Variants in SCNN1G observed in about 807,000 individuals in gnomAD.
SCNN1G encodes the protein sodium channel epithelial 1 subunit gamma.
Under a neutral mutation model 64.6 loss-of-function variants are expected in SCNN1G, and 27 were observed. The ratio of observed to expected loss-of-function variants is 0.42; its 90% CI spans 0.31 to 0.58. The LOEUF (loss-of-function observed/expected upper bound fraction) is 0.58, where lower values mean the gene tolerates loss of function less well. Ranked by LOEUF, SCNN1G falls within the 20% of genes least tolerant of loss-of-function variation. The probability of loss-of-function intolerance (pLI) is 0.18; values close to 1 mark genes in which losing one functional copy is unlikely to be tolerated. For synonymous variants in SCNN1G, 330 were observed against 314.2 expected, an observed-to-expected ratio of 1.05 and a Z score of -0.53; for missense variants, 743 against 823.4, an observed-to-expected ratio of 0.90 and a Z score of 1.19.
At chr16:23,202,352 C>T (rs1004404897) in intron 6 of SCNN1G, among the ~76,000 whole-genome samples, 1 of 151,488 alleles carries the variant, frequency 6.6e-6, no homozygotes, top group Non-Finnish European at 1.5e-5. Context: ...GGATGGCTGG[C>T]TGGCTGAATG....
chr16:23,197,199 G>A, intron 5 of SCNN1G, 65 bp from the exon 6 acceptor site: 2 of 1,372,150 alleles, frequency 1.5e-6, no homozygotes, highest in South Asian at 2.4e-5. Flanking sequence ...CAGTGGGAGA[G>A]GTGGTTTACC....
chr16:23,188,333 GC>G (rs1334275772), intron 2 of SCNN1G, among the ~76,000 whole-genome samples: 5 of 151,658 alleles, frequency 3.3e-5, no homozygotes, highest in Non-Finnish European at 7.4e-5. Context: ...ACAGAGCAAG[GC>G]CCCCTCTCTA....
chr16:23,183,451 C>T (rs946079266), intron 1 of SCNN1G, among the ~76,000 whole-genome samples: 1 of 152,178 alleles, frequency 6.6e-6, no homozygotes, highest in East Asian at 1.9e-4. Context: ...GCGAACCCAA[C>T]GCTAGACTTG....
At position 23,212,129 on chromosome 16, in the gene SCNN1G, C is replaced by T. The variant is rs370086012; in HGVS notation, c.1272C>T (p.Asn424=). 2 of 1,611,690 alleles carry T rather than the reference C, an allele frequency of 1.2e-6. No individual in the cohort carries two copies. ...TACCTCCTGCAGCCAACTACTGCAA[C>T]TACCAGCAGCACCCCAACTGGAGTG... is the stretch of plus-strand genomic sequence containing the variant. ...QPLPPAANYC[N]YQQHPNWMYC... Residue 424 remains asparagine, a synonymous_variant, in exon 8 of 13, where the codon AAC becomes AAT. Coordinates refer to ENST00000300061, the MANE Select transcript of SCNN1G (RefSeq NM_001039.4).
chr16:23,213,251 TC>T, intron 11 of SCNN1G, 88 bp downstream of exon 11: 6 of 664,506 alleles, frequency 9.0e-6, no homozygotes, highest in Admixed American at 2.6e-5. Context: ...GGCCAAATCC[TC>T]TTTTTTTTTT....
At chr16:23,199,025 AT>A (rs57688091) in intron 6 of SCNN1G, among the ~76,000 whole-genome samples, 53,142 of 149,902 alleles carry the variant, frequency 0.35, 9,953 homozygotes, top group East Asian at 0.71. Context: ...CCCTGCCTCT[AT>A]TTTTTTTTTA....
chr16:23,186,432 T>C lies in SCNN1G; in HGVS notation c.161T>C (p.Leu54Pro). The C allele has an allele frequency of 6.2e-7, 1 of 1,614,214 alleles. No homozygotes were observed. Among genetic ancestry groups the C allele is most frequent in the African/African-American group, 1.3e-5 (1 of 75,072 alleles). Residue 54 changes from leucine to proline, a missense_variant, in exon 2 of 13, where the codon CTC (leucine) becomes CCC (proline). Leu to Pro is a moderately conservative substitution (Grantham distance 98). Coordinates refer to ENST00000300061, the MANE Select transcript of SCNN1G (RefSeq NM_001039.4). Reference protein sequence around the residue: ...IVVSRGRLRRLLWIGFTLTAV... With the variant: ...IVVSRGRLRRPLWIGFTLTAV... ...GTGTCCCGCGGCCGTCTGCGCCGCC[T>C]CCTCTGGATCGGGTTCACACTGACT...
intron 3 of SCNN1G, among the ~76,000 whole-genome samples, chr16:23,190,888 C>T (rs111698890): frequency 5.3e-4 from 72 of 136,328 alleles, no homozygotes; most frequent in Admixed American, 1.6e-3. Context: ...CTGTCACCCA[C>T]GCTGGAGTGC....
At chr16:23,211,910 G>T in intron 7 of SCNN1G, 124 bp from the exon 8 acceptor site, 1 of 775,428 alleles carries the variant, frequency 1.3e-6, no homozygotes, top group Non-Finnish European at 2.3e-6. Context: ...TTGGCATAAG[G>T]GGCAGGTTCA....
chr16:23,215,482 A>G lies in SCNN1G; in HGVS notation c.*13A>G. The G allele has an allele frequency of 1.2e-6, 2 of 1,605,088 alleles. No homozygotes were observed. The highest frequency in any genetic ancestry group is 1.7e-6 in the Non-Finnish European group (2 of 1,179,956). On this transcript the variant is annotated 3_prime_UTR_variant, in exon 13 of 13. Coordinates refer to ENST00000300061, the MANE Select transcript of SCNN1G (RefSeq NM_001039.4). ...GGATGAGCTCTGAGGCAGGGTTGAG[A>G]AGACAGATCTAGTCAGGACCACCAG... is the stretch of plus-strand genomic sequence containing the variant.
Position 23,215,346 on chromosome 16 carries a change from G to A in SCNN1G, c.1827G>A (p.Leu609=). 1.9e-6 allele frequency: 3 copies of A among 1,614,132 alleles called. No homozygotes were observed. The highest frequency in any genetic ancestry group is 2.5e-6 in the Non-Finnish European group (3 of 1,180,036). The change falls in exon 13 of 13, where the codon TTG becomes TTA. Residue 609 remains leucine (L), a synonymous_variant. Coordinates refer to ENST00000300061, the MANE Select transcript of SCNN1G (RefSeq NM_001039.4). Reference sequence around the variant, plus strand: ...ACCTACCCACTTTCAACTCTGCTTTGCACCTGCCTCCAGCCCTAGGAACCC... The same window carrying A: ...ACCTACCCACTTTCAACTCTGCTTTACACCTGCCTCCAGCCCTAGGAACCC... ...DDDLPTFNSA[L]HLPPALGTQV...
At chr16:23,189,842 C>T (rs1353605641) in intron 3 of SCNN1G, among the ~76,000 whole-genome samples, 171 bp downstream of exon 3, 1 of 151,988 alleles carries the variant, frequency 6.6e-6, no homozygotes, top group African/African-American at 2.4e-5. Context: ...GAGGCCAAGG[C>T]GGGCGAATCA....
intron 5 of SCNN1G, among the ~76,000 whole-genome samples, chr16:23,195,338 C>T (rs963397597): frequency 6.6e-6 from 1 of 152,192 alleles, no homozygotes; most frequent in South Asian, 2.1e-4. Flanking sequence ...AATACCACTG[C>T]AATTTCCAGC....
rs1444655297 is a variant in SCNN1G, at chr16:23,216,550, A to T, written c.*1081A>T. 6.6e-6 allele frequency: 1 copy of T among 152,218 alleles called. No homozygotes were observed. The allele number at this position is 152,218 out of a possible 1,614,324, so 9.4% of individuals were successfully genotyped here. The stretch of plus-strand genomic sequence containing the variant: ...GTTAGGTACTGTTTTAAGCACCTAG[A>T]TAGGTTAGCATAGGGGACTGCAAAT... On this transcript the variant is annotated 3_prime_UTR_variant, in exon 13 of 13. Transcript: ENST00000300061.
In SCNN1G at chr16:23,189,592, G is replaced by A. The variant is rs546893551; in HGVS notation, c.539G>A (p.Arg180Gln). 9.0e-5 allele frequency: 146 copies of A among 1,614,234 alleles called. No individual in the cohort carries two copies. The highest frequency in any genetic ancestry group is 1.1e-4 in the Non-Finnish European group (134 of 1,180,032). Residue 180 changes from arginine to glutamine, a missense_variant, in exon 3 of 13, where the codon CGG becomes CAG. Physicochemically the swap from Arg to Gln is conservative, Grantham distance 43. Transcript: ENST00000300061. ...AGGGACTTCTTCACAGGGAGGAAGC[G>A]GAAAGTCGGCGGTAGCATCATTCAC... The part of the protein sequence containing the change: ...KARDFFTGRK[R>Q]KVGGSIIHKA...
In SCNN1G at chr16:23,197,435, A is replaced by G. The variant is rs200649489; in HGVS notation, c.1077+8A>G. 6.2e-6 allele frequency: 10 copies of G among 1,612,300 alleles called. No homozygotes were observed. The Admixed American group carries it at 1.2e-4, about 19-fold the overall frequency. ...TCTATAGGAATGCACCTGGTAAGAG[A>G]ATATTCTCATTTCCATAGGCTTGGA... On this transcript the variant is annotated splice_region_variant and intron_variant, in intron 6 of 12. Transcript: ENST00000300061.
chr16:23,201,267 G>C (rs537119917), intron 6 of SCNN1G, among the ~76,000 whole-genome samples: 3 of 152,052 alleles, frequency 2.0e-5, no homozygotes, highest in Non-Finnish European at 4.4e-5. Flanking sequence ...TTATCCTTTC[G>C]CCCTCTTCCC....
At chr16:23,213,529 G>C (rs940530849) in intron 11 of SCNN1G, among the ~76,000 whole-genome samples, 1 of 152,200 alleles carries the variant, frequency 6.6e-6, no homozygotes, top group African/African-American at 2.4e-5. Context: ...TGGGATTATA[G>C]GCGTGAGCCA....
At position 23,215,003 on chromosome 16, in the gene SCNN1G, G is replaced by A. The variant is rs972183788; in HGVS notation, c.1570-86G>A. 110 of 1,521,986 alleles carry A rather than the reference G, an allele frequency of 7.2e-5. No individual in the cohort carries two copies. The Middle Eastern group carries it at 1.1e-3, about 15-fold the overall frequency. The allele number at this position is 1,521,986 out of a possible 1,614,324, so 94.3% of individuals were successfully genotyped here. A position where few individuals can be genotyped will look rare whatever the true frequency, so the allele number is the denominator to read the frequency against. On this transcript the variant is annotated intron_variant, in intron 12 of 12. Coordinates refer to ENST00000300061, the MANE Select transcript of SCNN1G (RefSeq NM_001039.4). The stretch of plus-strand genomic sequence containing the variant: ...GCCTGTGCAGGGTCGGGGCTGACCC[G>A]TGGCTCCCTTGGGAATCAGGGTTCC...
Sources: allele counts gnomAD v4.1 joint callset (sites outside exome capture counted in the v4.1 genomes callset), GRCh38; gene constraint gnomAD v4.1.1; transcripts MANE v1.5; gene names NCBI Gene and HGNC (gene_info 2026-07-23, HGNC 2026-07-21).